The following RABGAP1L variants were observed in gnomAD, a reference collection of about 807,000 sequenced individuals.
RABGAP1L encodes rab GTPase-activating protein 1-like.
In RABGAP1L, 63 loss-of-function variants were observed where a neutral mutation model predicts 137.7. That is an observed-to-expected ratio of 0.46 (90% CI 0.37 to 0.56). RABGAP1L has a LOEUF of 0.56. Ranked by LOEUF, RABGAP1L falls within the 20% of genes least tolerant of loss-of-function variation. RABGAP1L has a pLI of 0.00. For missense variants in RABGAP1L, 1,095 were observed against 1,244.0 expected, an observed-to-expected ratio of 0.88 and a Z score of 1.80; for synonymous variants, 431 against 433.7, an observed-to-expected ratio of 0.99 and a Z score of 0.08.
At chr1:174,214,126 T>C (rs975840515) in intron 1 of RABGAP1L, among the ~76,000 whole-genome samples, 1 of 152,168 alleles carries the variant, frequency 6.6e-6, no homozygotes, top group Non-Finnish European at 1.5e-5. Flanking sequence ...TTAGAACTGA[T>C]AAACAGATTT....
intron 11 of RABGAP1L, among the ~76,000 whole-genome samples, chr1:174,314,627 G>A (rs1679196971): frequency 6.6e-6 from 1 of 151,876 alleles, no homozygotes; most frequent in African/African-American, 2.4e-5. Flanking sequence ...TTTTGATGTA[G>A]ACAGTTATAG....
At chr1:174,228,943 C>T (rs1670405919) in intron 3 of RABGAP1L, among the ~76,000 whole-genome samples, 1 of 151,944 alleles carries the variant, frequency 6.6e-6, no homozygotes, top group South Asian at 2.1e-4. Context: ...GTTATACTAC[C>T]TGATACACGG....
In RABGAP1L at chr1:174,309,012, A is replaced by G. The variant is rs755728342; in HGVS notation, c.1465+3885A>G. On this transcript the variant is annotated intron_variant, in intron 11 of 25. Coordinates refer to ENST00000681986, the MANE Select transcript of RABGAP1L (RefSeq NM_001366446.1). ...AATTCTTCCAATCCATGTACACAGT[A>G]TATCACTCCACTTATTTGTATCTTC... 2.0e-4 allele frequency among the ~76,000 whole-genome samples: 31 copies of G among 152,074 alleles called. 1 individual carries two copies. The highest frequency in any genetic ancestry group is 1.8e-3 in the Admixed American group (28 of 15,250).
rs188295496 is a variant in RABGAP1L, at chr1:174,821,271, A to G, written c.2340+9311A>G. Among the ~76,000 whole-genome samples, 20 of 152,306 alleles carry G rather than the reference A, an allele frequency of 1.3e-4. 1 individual carries two copies. The highest frequency in any genetic ancestry group is 3.6e-4 in the African/African-American group (15 of 41,572). On this transcript the variant is annotated intron_variant, in intron 19 of 25. Transcript: ENST00000681986. ...AATGAGGGAATGAGGAAGGGCACTC[A>G]TGGTTAAAAACAGAATCCTGACCCA...
chr1:174,586,659 A>G (rs4463733), intron 13 of RABGAP1L, among the ~76,000 whole-genome samples: 147,360 of 152,206 alleles, frequency 0.97, 71,366 homozygotes, highest in East Asian at 1. Flanking sequence ...GTGCAATGGC[A>G]CGATCTTGGC....
At chr1:174,835,354 C>T (rs990656929) in intron 19 of RABGAP1L, among the ~76,000 whole-genome samples, 11 of 152,114 alleles carry the variant, frequency 7.2e-5, no homozygotes, top group Admixed American at 1.3e-4. Flanking sequence ...GTTAGTTGAA[C>T]TCGTAATCGA....
intron 14 of RABGAP1L, among the ~76,000 whole-genome samples, chr1:174,663,607 C>G (rs1348193590): frequency 1.3e-5 from 2 of 152,174 alleles, no homozygotes; most frequent in Non-Finnish European, 2.9e-5. Flanking sequence ...TACTCACATA[C>G]ACACACGTGG....
At chr1:174,163,351 A>G (rs1664659744) in intron 1 of RABGAP1L, among the ~76,000 whole-genome samples, 2 of 152,154 alleles carry the variant, frequency 1.3e-5, no homozygotes, top group South Asian at 4.1e-4. Context: ...TACTTCGTTT[A>G]CTTCCCATAT....
intron 18 of RABGAP1L, among the ~76,000 whole-genome samples, chr1:174,786,818 T>G (rs1202293628): frequency 6.6e-6 from 1 of 152,228 alleles, no homozygotes; most frequent in Non-Finnish European, 1.5e-5. Flanking sequence ...ATATATATTT[T>G]AAAAAGTTAA....
intron 13 of RABGAP1L, among the ~76,000 whole-genome samples, chr1:174,401,231 C>A (rs772746768): frequency 6.6e-6 from 1 of 152,112 alleles, no homozygotes; most frequent in Non-Finnish European, 1.5e-5. Context: ...ACCCTGGGTT[C>A]GAATCTCAAA....
intron 19 of RABGAP1L, among the ~76,000 whole-genome samples, chr1:174,849,213 A>C (rs1002946209): frequency 4.6e-5 from 7 of 152,134 alleles, no homozygotes; most frequent in African/African-American, 1.7e-4. Flanking sequence ...TGGGAGCTGT[A>C]GACCGGAGCT....
intron 13 of RABGAP1L, among the ~76,000 whole-genome samples, chr1:174,404,064 T>C (rs1191414592): frequency 6.6e-6 from 1 of 152,190 alleles, no homozygotes; most frequent in Non-Finnish European, 1.5e-5. Flanking sequence ...CTCTATTGTT[T>C]CTAGGGCTAT....
intron 13 of RABGAP1L, among the ~76,000 whole-genome samples, chr1:174,443,613 TTTTCCCATTTTTTAGG>T (rs576633922): frequency 1.6e-3 from 240 of 152,244 alleles, no homozygotes; most frequent in African/African-American, 5.4e-3. Flanking sequence ...TTTGCAAATA[TTTTCCCATTTTTTAGG>T]TTGCCTGTTC....
At chr1:174,228,951 C>T (rs1034530476) in intron 3 of RABGAP1L, among the ~76,000 whole-genome samples, 2 of 151,600 alleles carry the variant, frequency 1.3e-5, no homozygotes, top group African/African-American at 2.4e-5. Context: ...ACCTGATACA[C>T]GGAGATGGAT....
intron 13 of RABGAP1L, among the ~76,000 whole-genome samples, chr1:174,482,395 T>C (rs570251926): frequency 6.6e-6 from 1 of 152,372 alleles, no homozygotes; most frequent in African/African-American, 2.4e-5. Flanking sequence ...TTGTTCATTA[T>C]TACACTGTTT....
At chr1:174,364,497 A>G (rs6690626) in intron 11 of RABGAP1L, among the ~76,000 whole-genome samples, 43,846 of 150,262 alleles carry the variant, frequency 0.29, 7,126 homozygotes, top group African/African-American at 0.43. Context: ...CTCGTGATCC[A>G]CCCGCCTCGG....
chr1:174,833,368 T>TTGTGTGTG (rs71117578), intron 19 of RABGAP1L, among the ~76,000 whole-genome samples: 17 of 108,474 alleles, frequency 1.6e-4, no homozygotes, highest in African/African-American at 5.4e-4. Context: ...ACCAGCTAAT[T>TTGTGTGTG]TGTGTGTGTG....
chr1:174,859,203 C>T (rs542100544), intron 19 of RABGAP1L, among the ~76,000 whole-genome samples: 89 of 152,182 alleles, frequency 5.8e-4, no homozygotes, highest in African/African-American at 2.0e-3. Context: ...AATGTGAGGC[C>T]GAGCGTGGTG....
At chr1:174,792,308 TG>T (rs1687919669) in intron 18 of RABGAP1L, among the ~76,000 whole-genome samples, 1 of 152,196 alleles carries the variant, frequency 6.6e-6, no homozygotes, top group Non-Finnish European at 1.5e-5. Flanking sequence ...CTGTCCAAAG[TG>T]TGTTCTTGAA....
Sources: gnomAD v4.1 joint callset for allele counts (sites outside exome capture counted in the v4.1 genomes callset) on GRCh38, gnomAD v4.1.1 for gene constraint, MANE v1.5 for transcripts, NCBI Gene and HGNC (gene_info 2026-07-23, HGNC 2026-07-21) for gene names.